The following MUL1 variants were observed in gnomAD, a reference collection of about 807,000 sequenced individuals.
MUL1 encodes the protein mitochondrial ubiquitin ligase activator of NFKB 1.
MUL1 carries 30 observed loss-of-function variants against 34.1 expected under a neutral mutation model. The ratio of observed to expected loss-of-function variants is 0.88; its 90% CI spans 0.66 to 1.19. The LOEUF is 1.19. Ranked by LOEUF, MUL1 falls within the 50% of genes most tolerant of loss-of-function variation. MUL1 has a pLI of 0.00. For synonymous variants in MUL1, 191 were observed against 187.8 expected (o/e 1.02, Z -0.14); for missense variants, 419 against 450.5 (o/e 0.93, Z 0.63).
chr1:20,502,735 T>C (rs569794587), intron 2 of MUL1, among the ~76,000 whole-genome samples: 62 of 152,266 alleles, frequency 4.1e-4, no homozygotes, highest in African/African-American at 1.4e-3. Context: ...GGTTTCATCA[T>C]GTCGACCAGG....
At position 20,500,499 on chromosome 1, in the gene MUL1, C is replaced by A; in HGVS notation, c.*191G>T. The A allele has an allele frequency of 1.5e-6, 1 of 680,442 alleles. No homozygotes were observed. The highest frequency in any genetic ancestry group is 2.8e-5 in the East Asian group (1 of 36,154). The allele number at this position is 680,442 out of a possible 1,614,324, so 42.2% of individuals were successfully genotyped here. The stretch of plus-strand genomic sequence containing the variant: ...ATGAGGCTGCACATGGACAGGGTCC[C>A]CTCTCAGGTGGGAAAGGCAGCATCC... On this transcript the variant is annotated 3_prime_UTR_variant, in exon 4 of 4. Transcript: ENST00000264198.
At chr1:20,504,784 ATAAG>A (rs368955720) in intron 1 of MUL1, among the ~76,000 whole-genome samples, 2 of 152,234 alleles carry the variant, frequency 1.3e-5, no homozygotes, top group African/African-American at 4.8e-5. Flanking sequence ...AAATTAATGA[ATAAG>A]TAAGCATTTA....
At chr1:20,502,654 C>A (rs565677127) in intron 2 of MUL1, among the ~76,000 whole-genome samples, 1 of 152,144 alleles carries the variant, frequency 6.6e-6, no homozygotes, top group Non-Finnish European at 1.5e-5. Flanking sequence ...CTGCCTCAGC[C>A]CCCCGAGTAG....
At chr1:20,507,212 T>C (rs1178449784) in intron 1 of MUL1, among the ~76,000 whole-genome samples, 1 of 152,124 alleles carries the variant, frequency 6.6e-6, no homozygotes, top group African/African-American at 2.4e-5. Context: ...CAAGACTCCA[T>C]CTCGAAAAAA....
chr1:20,500,940 A>T lies in MUL1; in HGVS notation c.809T>A (p.Leu270Gln). Reference protein sequence around the residue: ...RKQYLQRQERLRLKQMQEEFQ... With the variant: ...RKQYLQRQERQRLKQMQEEFQ... ...CTCCTCCTGCATCTGCTTGAGGCGC[A>T]GGCGCTCCTGCCGCTGCAGATACTG... The change falls in exon 4 of 4, where the codon CTG (leucine) becomes CAG (glutamine). Residue 270 changes from leucine to glutamine, a missense_variant. Coordinates refer to ENST00000264198, the MANE Select transcript of MUL1 (RefSeq NM_024544.3). 6.2e-7 allele frequency: 1 copy of T among 1,613,936 alleles called. No homozygotes were observed. The highest frequency in any genetic ancestry group is 8.5e-7 in the Non-Finnish European group (1 of 1,180,030).
intron 2 of MUL1, among the ~76,000 whole-genome samples, chr1:20,502,780 C>T (rs1041161662): frequency 6.6e-6 from 1 of 152,032 alleles, no homozygotes; most frequent in Non-Finnish European, 1.5e-5. Flanking sequence ...GTGATCAGCC[C>T]ATCTCAGCCT....
intron 1 of MUL1, among the ~76,000 whole-genome samples, chr1:20,505,603 AAAAGAAG>A (rs1215215932): frequency 1.5e-3 from 233 of 150,558 alleles, no homozygotes; most frequent in African/African-American, 5.3e-3. Flanking sequence ...AAAAAAAAAA[AAAAGAAG>A]AGGAAAAAGA....
chr1:20,505,582 C>CAA (rs11338654), intron 1 of MUL1, among the ~76,000 whole-genome samples: 773 of 56,778 alleles, frequency 0.014, no homozygotes, highest in Non-Finnish European at 0.015. Context: ...GACCATGTCT[C>CAA]AAAAAAAAAA....
Position 20,508,075 on chromosome 1 carries a change from G to C in MUL1, c.-51C>G. ...CTGTGGCGCCAAGGATAGGCCTGGT[G>C]ACCCCCGACTCTCCACCTCCTTCCG... On this transcript the variant is annotated 5_prime_UTR_variant, in exon 1 of 4. Transcript: ENST00000264198. 6.4e-7 allele frequency: 1 copy of C among 1,557,216 alleles called. No individual in the cohort carries two copies. The highest frequency in any genetic ancestry group is 2.3e-5 in the East Asian group (1 of 42,932).
intron 2 of MUL1, 100 bp from the exon 3 acceptor site, chr1:20,502,289 C>T (rs2051670039): frequency 6.6e-7 from 1 of 1,514,104 alleles, no homozygotes; most frequent in African/African-American, 1.4e-5. Context: ...TAGGTCACAC[C>T]TATAATCCCA....
chr1:20,508,096 T>C lies in MUL1; in HGVS notation c.-72A>G, dbSNP rs1454211247. On this transcript the variant is annotated 5_prime_UTR_variant, in exon 1 of 4. Coordinates refer to ENST00000264198, the MANE Select transcript of MUL1 (RefSeq NM_024544.3). ...TGGTGACCCCCGACTCTCCACCTCC[T>C]TCCGACCAGGACCGCACCCCCCCGG... 6.5e-7 allele frequency: 1 copy of C among 1,534,966 alleles called. No homozygotes were observed. Among genetic ancestry groups the C allele is most frequent in the East Asian group, 2.4e-5 (1 of 41,860 alleles).
rs1356492375 is a variant in MUL1, at chr1:20,507,340, G to A, written c.120+565C>T. On this transcript the variant is annotated intron_variant, in intron 1 of 3. Coordinates refer to ENST00000264198, the MANE Select transcript of MUL1 (RefSeq NM_024544.3). ...AGGAAGCGTCTGTAAAGCAAGGAGTGGAGTGGTTCAGTAAATGGATGTCTG... is the reference window on the plus strand; with the variant it reads ...AGGAAGCGTCTGTAAAGCAAGGAGTAGAGTGGTTCAGTAAATGGATGTCTG... Among the ~76,000 whole-genome samples the A allele has an allele frequency of 5.9e-5, 9 of 152,240 alleles. No individual in the cohort carries two copies. In the South Asian group the frequency reaches 1.0e-3, roughly 18 times the overall value.
At chr1:20,506,369 A>G (rs1422712151) in intron 1 of MUL1, among the ~76,000 whole-genome samples, 1 of 152,194 alleles carries the variant, frequency 6.6e-6, no homozygotes, top group Non-Finnish European at 1.5e-5. Flanking sequence ...TCTCTGACCT[A>G]AAGAGGTCCA....
At chr1:20,502,304 T>TG in intron 2 of MUL1, 115 bp from the exon 3 acceptor site, 1 of 1,400,314 alleles carries the variant, frequency 7.1e-7, no homozygotes, top group Non-Finnish European at 9.8e-7. Flanking sequence ...ATCCCAACAC[T>TG]TTGGGAAGCC....
In MUL1 at chr1:20,503,324, AAAATT is replaced by A. The variant is rs1375312397; in HGVS notation, c.121-20_121-16del. The A allele has an allele frequency of 4.6e-6, 7 of 1,515,024 alleles. No homozygotes were observed. In the East Asian group the frequency reaches 9.2e-5, roughly 20 times the overall value. 93.8% of individuals were successfully genotyped at this position (1,515,024 alleles called of 1,614,324 possible). On this transcript the variant is annotated splice_polypyrimidine_tract_variant and intron_variant, in intron 1 of 3. Coordinates refer to ENST00000264198, the MANE Select transcript of MUL1 (RefSeq NM_024544.3). ...TTTTTAGCTCCCTAAATAAAAAAAA[AAAATT>A]AAATTAATTGGCCATTGAACACTGA...
At position 20,501,947 on chromosome 1, in the gene MUL1, A is replaced by G. The variant is rs974174018; in HGVS notation, c.329+122T>C. ...GGCTACACACAAGAATATGACCTGC[A>G]TTAAGAGACTGGGCTTCAACCTGTC... is the stretch of plus-strand genomic sequence containing the variant. On this transcript the variant is annotated intron_variant, in intron 3 of 3. Transcript: ENST00000264198. This position sits in a 1 kb window ranked among gnomAD's most constrained non-coding sequence, Gnocchi z 4.2. 1.3e-5 allele frequency: 17 copies of G among 1,264,776 alleles called. No homozygotes were observed. Among genetic ancestry groups the G allele is most frequent in the East Asian group, 2.3e-5 (1 of 42,786 alleles). 78.3% of individuals were successfully genotyped at this position (1,264,776 alleles called of 1,614,324 possible). A position where few individuals can be genotyped will look rare whatever the true frequency, so the allele number is the denominator to read the frequency against.
chr1:20,502,527 G>A (rs2051672726), intron 2 of MUL1, among the ~76,000 whole-genome samples: 1 of 152,326 alleles, frequency 6.6e-6, no homozygotes, highest in South Asian at 2.1e-4. Context: ...ACAGCTACCT[G>A]GGTGACAGAG....
chr1:20,501,171 GC>G lies in MUL1; in HGVS notation c.577del (p.Ala193ProfsTer29). On this transcript the variant is annotated frameshift_variant, in exon 4 of 4. Transcript: ENST00000264198. LOFTEE classifies it high-confidence loss of function. This position sits in a 1 kb window ranked among gnomAD's most constrained non-coding sequence, Gnocchi z 4.2. ...CAGTTCGCCAACCCCTGTGAGGGTG[GC>G]CCCCACCTTCAGCATCTCCTCGGTC... ...QETEEMLKVG[A>X]TLTGVGELVL... 3 of 1,614,072 alleles carry G rather than the reference GC, an allele frequency of 1.9e-6. No individual in the cohort carries two copies. The highest frequency in any genetic ancestry group is 2.5e-6 in the Non-Finnish European group (3 of 1,179,944).
At chr1:20,506,907 T>A (rs987335877) in intron 1 of MUL1, among the ~76,000 whole-genome samples, 5 of 147,888 alleles carry the variant, frequency 3.4e-5, no homozygotes, top group Non-Finnish European at 7.5e-5. Context: ...GGAAAAAAAA[T>A]TATTGTTAAG....
Sources: gnomAD v4.1 joint callset for allele counts (sites outside exome capture counted in the v4.1 genomes callset) on GRCh38, gnomAD v4.1.1 for gene constraint, Gnocchi (gnomAD v3.1) non-coding constraint, MANE v1.5 for transcripts, NCBI Gene and HGNC (gene_info 2026-07-23, HGNC 2026-07-21) for gene names.